NBEAL1: variants seen among roughly 807,000 people sequenced by gnomAD.
The protein encoded by NBEAL1 is neurobeachin-like protein 1.
A neutral mutation model predicts 351.3 loss-of-function variants in NBEAL1; 273 were observed. That is an observed-to-expected ratio of 0.78 (90% confidence interval 0.70 to 0.86). NBEAL1 has a LOEUF of 0.86. Among genes scored for constraint, NBEAL1 ranks in the 40% least tolerant of loss-of-function variants. The probability of loss-of-function intolerance (pLI) is 0.00; values close to 1 mark genes in which losing one functional copy is unlikely to be tolerated. For synonymous variants in NBEAL1, 1,050 were observed against 1,086.4 expected (o/e 0.97, Z 0.66); for missense variants, 2,961 against 3,201.3 (o/e 0.92, Z 1.81).
rs1238302922 is a variant in NBEAL1, at chr2:203,135,730, A to G, written c.3867A>G (p.Gln1289=). 6.4e-7 allele frequency: 1 copy of G among 1,569,004 alleles called. No individual in the cohort carries two copies. ...QPDAAHQISQ[Q]VGWQDTLVRL... is the part of the protein sequence containing the mutation. ...ATGCAGCACATCAAATATCACAGCAAGTGGGTTGGCAAGACACCTTAGTTA... is the reference window on the plus strand; with the variant it reads ...ATGCAGCACATCAAATATCACAGCAGGTGGGTTGGCAAGACACCTTAGTTA... Residue 1289 remains glutamine, a synonymous_variant, in exon 28 of 56, where the codon CAA becomes CAG. Coordinates refer to ENST00000683969, the MANE Select transcript of NBEAL1 (RefSeq NM_001378026.1).
chr2:203,018,401 G>C (rs141747663), intron 2 of NBEAL1, among the ~76,000 whole-genome samples: 1 of 151,672 alleles, frequency 6.6e-6, no homozygotes, highest in Non-Finnish European at 1.5e-5. Context: ...TCGTAGTTTA[G>C]TTTTGGCTCT....
chr2:203,183,466 T>A (rs1299962392), intron 44 of NBEAL1, 78 bp downstream of exon 44: 1 of 796,326 alleles, frequency 1.3e-6, no homozygotes, highest in East Asian at 2.5e-5. Flanking sequence ...ATAATCTGAC[T>A]TAGTTATTTT....
chr2:203,121,503 T>G (rs970103289), intron 18 of NBEAL1, among the ~76,000 whole-genome samples: 1 of 151,402 alleles, frequency 6.6e-6, no homozygotes, highest in Non-Finnish European at 1.5e-5. Context: ...AAATACAAAT[T>G]AAGCCAGATG....
intron 10 of NBEAL1, among the ~76,000 whole-genome samples, chr2:203,095,269 C>G (rs987845936): frequency 1.3e-5 from 2 of 152,028 alleles, no homozygotes; most frequent in African/African-American, 2.4e-5. Context: ...AATACAGTTA[C>G]TGGGTTAAAG....
At chr2:203,063,554 GAGA>G (rs976621775) in intron 6 of NBEAL1, among the ~76,000 whole-genome samples, 8 of 151,382 alleles carry the variant, frequency 5.3e-5, no homozygotes, top group South Asian at 2.1e-4. Flanking sequence ...AGAGAAGTGA[GAGA>G]AGAAGAAAGG....
At chr2:203,075,597 G>A (rs1361466867) in intron 7 of NBEAL1, among the ~76,000 whole-genome samples, 1 of 152,194 alleles carries the variant, frequency 6.6e-6, no homozygotes, top group East Asian at 1.9e-4. Flanking sequence ...TATTTCTGGA[G>A]CACTTCCTCT....
At chr2:203,070,795 G>A (rs2061669845) in intron 7 of NBEAL1, among the ~76,000 whole-genome samples, 1 of 152,150 alleles carries the variant, frequency 6.6e-6, no homozygotes, top group South Asian at 2.1e-4. Context: ...AAGGGATGCT[G>A]CTAAATTATG....
intron 24 of NBEAL1, among the ~76,000 whole-genome samples, 200 bp from the exon 25 acceptor site, chr2:203,130,118 C>T (rs1222550553): frequency 1.3e-5 from 2 of 152,114 alleles, no homozygotes; most frequent in African/African-American, 2.4e-5. Context: ...GCTGTGATCA[C>T]GCCACTGCAC....
intron 25 of NBEAL1, 57 bp from the exon 26 acceptor site, chr2:203,131,916 A>G: frequency 7.9e-7 from 1 of 1,262,780 alleles, no homozygotes; most frequent in East Asian, 2.7e-5. Context: ...TTTTAATGTT[A>G]AATGACAAAC....
chr2:203,214,389 G>A (rs765078732), intron 55 of NBEAL1, among the ~76,000 whole-genome samples: 1 of 152,046 alleles, frequency 6.6e-6, no homozygotes, highest in Non-Finnish European at 1.5e-5. Context: ...GTTAAAGATC[G>A]TAAAAACCTG....
chr2:203,179,733 A>G (rs1380455003), intron 42 of NBEAL1, among the ~76,000 whole-genome samples: 3 of 152,146 alleles, frequency 2.0e-5, no homozygotes, highest in Non-Finnish European at 4.4e-5. Context: ...TCTGATTTTC[A>G]AATATTGAAA....
intron 2 of NBEAL1, chr2:203,040,033 C>A: frequency 1.6e-6 from 1 of 607,850 alleles, no homozygotes; most frequent in Non-Finnish European, 2.9e-6. Flanking sequence ...TAAAAATAGG[C>A]CTCATTGAGA....
intron 41 of NBEAL1, among the ~76,000 whole-genome samples, chr2:203,174,216 C>CA (rs10652390): frequency 0.12 from 2,834 of 24,548 alleles, 780 homozygotes; most frequent in African/African-American, 0.18. Context: ...TTTATACTAG[C>CA]AAAAAAAAAA....
At chr2:203,113,353 T>TA in intron 17 of NBEAL1, 35 bp downstream of exon 17, 7 of 1,242,660 alleles carry the variant, frequency 5.6e-6, no homozygotes, top group Non-Finnish European at 7.2e-6. Flanking sequence ...TAAGCAAATT[T>TA]AGAGTTTTTT....
chr2:203,056,078 G>A (rs2061397632), intron 4 of NBEAL1, among the ~76,000 whole-genome samples: 1 of 152,176 alleles, frequency 6.6e-6, no homozygotes, highest in Non-Finnish European at 1.5e-5. Context: ...AATCTGTAAG[G>A]AAATAATGTA....
In NBEAL1 at chr2:203,130,359, C is replaced by T; in HGVS notation, c.3447C>T (p.Thr1149=). The change falls in exon 25 of 56, where the codon ACC becomes ACT. Residue 1149 remains threonine, a synonymous_variant. Coordinates refer to ENST00000683969, the MANE Select transcript of NBEAL1 (RefSeq NM_001378026.1). ...ILDVLFSLLR[T]SPTRGQLFLL... ...ACGTGCTCTTCAGTCTCCTACGTACCAGCCCAACCAGAGGTCAGCTTTTCT... is the reference window on the plus strand; with the variant it reads ...ACGTGCTCTTCAGTCTCCTACGTACTAGCCCAACCAGAGGTCAGCTTTTCT... 2 of 1,533,180 alleles carry T rather than the reference C, an allele frequency of 1.3e-6. No homozygotes were observed. The highest frequency in any genetic ancestry group is 1.4e-5 in the African/African-American group (1 of 71,924). 95.0% of individuals were successfully genotyped at this position (1,533,180 alleles called of 1,614,324 possible).
chr2:203,127,129 T>C (rs367981454), intron 23 of NBEAL1, among the ~76,000 whole-genome samples: 30 of 152,194 alleles, frequency 2.0e-4, no homozygotes, highest in African/African-American at 7.2e-4. Context: ...ATTGTGCAAC[T>C]GTAGGCAAAT....
chr2:203,108,693 G>T (rs182388877), intron 14 of NBEAL1, among the ~76,000 whole-genome samples: 81 of 151,984 alleles, frequency 5.3e-4, no homozygotes, highest in Non-Finnish European at 9.7e-4. Flanking sequence ...TTGAGCCACC[G>T]CACCCAGCCA....
intron 2 of NBEAL1, chr2:203,040,963 A>G (rs891827878): frequency 2.8e-5 from 8 of 288,228 alleles, no homozygotes; most frequent in Non-Finnish European, 5.4e-5. Flanking sequence ...GGGAATTATC[A>G]TCAGGTATCT....
Sources: allele counts gnomAD v4.1 joint callset (sites outside exome capture counted in the v4.1 genomes callset), GRCh38; gene constraint gnomAD v4.1.1; transcripts MANE v1.5; gene names NCBI Gene and HGNC (gene_info 2026-07-23, HGNC 2026-07-21).